The following ZMYM2 variants were observed in gnomAD, a reference collection of about 807,000 sequenced individuals.
ZMYM2 encodes the protein zinc finger MYM-type protein 2.
Under a neutral mutation model 162.8 loss-of-function variants are expected in ZMYM2, and 56 were observed. The ratio of observed to expected loss-of-function variants is 0.34; its 90% confidence interval spans 0.28 to 0.43. The LOEUF (loss-of-function observed/expected upper bound fraction) is 0.43, where lower values mean the gene tolerates loss of function less well. Among genes scored for constraint, ZMYM2 ranks in the 20% least tolerant of loss-of-function variants. ZMYM2 has a pLI of 1.00. For missense variants in ZMYM2, 1,275 were observed against 1,621.8 expected (o/e 0.79, Z 3.67); for synonymous variants, 510 against 541.6 (o/e 0.94, Z 0.81).
chr13:19,931,326 T>G, the ZMYM2 span, among the ~76,000 whole-genome samples: 1 of 152,118 alleles, frequency 6.6e-6, no homozygotes, highest in Non-Finnish European at 1.5e-5. Context: ...ATCCCTTCTT[T>G]CTAGCTAACT....
At chr13:20,011,565 A>ATT (rs1951180817) in intron 6 of ZMYM2, among the ~76,000 whole-genome samples, 2 of 133,824 alleles carry the variant, frequency 1.5e-5, no homozygotes, top group African/African-American at 6.1e-5. Flanking sequence ...AGAAGTTTTT[A>ATT]TTTTTTTGTT....
At position 20,058,589 on chromosome 13, in the gene ZMYM2, C is replaced by T. The variant is rs1026472075; in HGVS notation, c.2508C>T (p.Pro836=). The part of the protein sequence containing the change: ...SRTKMTGSAP[P]PSPTPNKEMK... Reference sequence around the variant, plus strand: ...CTTCTCCATAGGGTTCAGCACCACCCCCTTCTCCAACACCTAACAAAGAGA... The same window carrying T: ...CTTCTCCATAGGGTTCAGCACCACCTCCTTCTCCAACACCTAACAAAGAGA... The change falls in exon 15 of 25, where the codon CCC becomes CCT. Residue 836 remains proline (P), a synonymous_variant. Transcript: ENST00000610343. The T allele has an allele frequency of 3.1e-6, 5 of 1,613,496 alleles. No homozygotes were observed. Among genetic ancestry groups the T allele is most frequent in the Non-Finnish European group, 4.2e-6 (5 of 1,179,710 alleles).
intron 10 of ZMYM2, among the ~76,000 whole-genome samples, chr13:20,031,743 A>G (rs1298766533): frequency 6.6e-6 from 1 of 151,570 alleles, no homozygotes; most frequent in Non-Finnish European, 1.5e-5. Context: ...TTTTTGTCCC[A>G]TGTTTCTCCC....
chr13:19,890,005 T>C, the ZMYM2 span, among the ~76,000 whole-genome samples: 1 of 151,896 alleles, frequency 6.6e-6, no homozygotes, highest in African/African-American at 2.4e-5. Flanking sequence ...AGATTGGAAA[T>C]ACACACAGGA....
the ZMYM2 span, among the ~76,000 whole-genome samples, chr13:19,922,543 C>T: frequency 1.3e-3 from 191 of 152,072 alleles, no homozygotes; most frequent in African/African-American, 4.5e-3. Flanking sequence ...TTTTTTTCTC[C>T]ATATGAAAAG....
At chr13:19,937,686 G>A in the ZMYM2 span, among the ~76,000 whole-genome samples, 11 of 150,104 alleles carry the variant, frequency 7.3e-5, no homozygotes, top group Admixed American at 2.7e-4. Flanking sequence ...TGTGCACAAC[G>A]TGCAGGTTTG....
the ZMYM2 span, among the ~76,000 whole-genome samples, chr13:19,925,683 G>A: frequency 2.6e-5 from 4 of 151,650 alleles, no homozygotes; most frequent in South Asian, 8.4e-4. Flanking sequence ...GACCGGCCTG[G>A]CCAATGTGGT....
intron 1 of ZMYM2, among the ~76,000 whole-genome samples, chr13:19,959,475 G>T (rs1372518514): frequency 6.6e-6 from 1 of 152,168 alleles, no homozygotes; most frequent in Non-Finnish European, 1.5e-5. Context: ...CGGGGAGGCA[G>T]CGCTGCCGGT....
At chr13:19,867,992 G>A in the ZMYM2 span, among the ~76,000 whole-genome samples, 2 of 152,210 alleles carry the variant, frequency 1.3e-5, no homozygotes, top group South Asian at 4.1e-4. Context: ...TTTGGCCACT[G>A]CCGTTGCTCA....
chr13:19,977,240 C>CA (rs1317876901), intron 2 of ZMYM2, among the ~76,000 whole-genome samples: 1 of 152,056 alleles, frequency 6.6e-6, no homozygotes, highest in Non-Finnish European at 1.5e-5. Flanking sequence ...AGGTTGGTCT[C>CA]AAACTCCTGG....
At chr13:19,902,840 A>C in the ZMYM2 span, among the ~76,000 whole-genome samples, 2 of 151,858 alleles carry the variant, frequency 1.3e-5, no homozygotes, top group African/African-American at 4.8e-5. Context: ...ATAGGGAGAC[A>C]TCGTCTCTAC....
the ZMYM2 span, among the ~76,000 whole-genome samples, chr13:19,903,410 C>G: frequency 4.4e-5 from 6 of 135,036 alleles, no homozygotes; most frequent in Non-Finnish European, 4.6e-5. Flanking sequence ...GAGGCTGAGG[C>G]GGGCGGATCA....
At chr13:20,032,608 T>C (rs1953288024) in intron 10 of ZMYM2, among the ~76,000 whole-genome samples, 1 of 123,154 alleles carries the variant, frequency 8.1e-6, no homozygotes, top group Non-Finnish European at 1.8e-5. Context: ...TCTTTTTTTT[T>C]TTTTTTTTTT....
the ZMYM2 span, among the ~76,000 whole-genome samples, chr13:19,940,454 C>T: frequency 3.3e-5 from 5 of 152,206 alleles, no homozygotes; most frequent in African/African-American, 1.2e-4. Context: ...ATATTTACTA[C>T]ACTACAAATT....
chr13:19,993,335 A>T lies in ZMYM2; in HGVS notation c.263A>T (p.Lys88Ile). The change falls in exon 3 of 25, where the codon AAA (lysine) becomes ATA (isoleucine). Residue 88 changes from lysine to isoleucine, a missense_variant. Physicochemically the swap from Lys to Ile is moderately radical, Grantham distance 102 (BLOSUM62 -3). Coordinates refer to ENST00000610343, the MANE Select transcript of ZMYM2 (RefSeq NM_197968.4). ...DQRTITFTSS[K>I]NEELQGNDSK... ...AGAACCATAACATTTACATCATCAAAAAATGAAGAACTACAAGGAAATGAT... is the reference window on the plus strand; with the variant it reads ...AGAACCATAACATTTACATCATCAATAAATGAAGAACTACAAGGAAATGAT... 6.2e-7 allele frequency: 1 copy of T among 1,613,936 alleles called. No homozygotes were observed. Among genetic ancestry groups the T allele is most frequent in the Non-Finnish European group, 8.5e-7 (1 of 1,179,860 alleles).
chr13:19,886,461 C>T, the ZMYM2 span, among the ~76,000 whole-genome samples: 6 of 151,698 alleles, frequency 4.0e-5, no homozygotes, highest in Non-Finnish European at 5.9e-5. Flanking sequence ...CTGCGCCCAG[C>T]GAAAACGATT....
At chr13:20,039,617 G>A (rs1954050992) in intron 12 of ZMYM2, among the ~76,000 whole-genome samples, 1 of 152,108 alleles carries the variant, frequency 6.6e-6, no homozygotes, top group Non-Finnish European at 1.5e-5. Context: ...GGGACTGCAG[G>A]CGCCCGCCAC....
At chr13:19,967,685 G>A (rs545244817) in intron 2 of ZMYM2, among the ~76,000 whole-genome samples, 1 of 152,340 alleles carries the variant, frequency 6.6e-6, no homozygotes, top group South Asian at 2.1e-4. Flanking sequence ...CATCTGAGCT[G>A]TAGTTCAGTC....
At chr13:19,870,523 CTCTT>C in the ZMYM2 span, among the ~76,000 whole-genome samples, 923 of 126,318 alleles carry the variant, frequency 7.3e-3, 14 homozygotes, top group East Asian at 0.051. Flanking sequence ...CCCTCTTTCT[CTCTT>C]TCTTTCTTTC....
Sources: allele counts gnomAD v4.1 joint callset (sites outside exome capture counted in the v4.1 genomes callset), GRCh38; gene constraint gnomAD v4.1.1; transcripts MANE v1.5; gene names NCBI Gene and HGNC (gene_info 2026-07-23, HGNC 2026-07-21).